BABAM2: variants seen among roughly 807,000 people sequenced by gnomAD.
The protein encoded by BABAM2 is BRISC and BRCA1-A complex member 2.
BABAM2 carries 31 observed loss-of-function variants against 54.7 expected under a neutral mutation model. That is an observed-to-expected ratio of 0.57 (90% confidence interval 0.43 to 0.77). The LOEUF (loss-of-function observed/expected upper bound fraction) is 0.77. Ranked by LOEUF, BABAM2 falls within the 30% of genes least tolerant of loss-of-function variation. The pLI, the probability that BABAM2 is intolerant of heterozygous loss-of-function variation, is 0.00. For missense variants in BABAM2, 364 were observed against 455.8 expected (o/e 0.80, Z 1.83); for synonymous variants, 167 against 162.9 (o/e 1.03, Z -0.19).
chr2:28,272,567 T>C (rs1685507276), intron 10 of BABAM2, among the ~76,000 whole-genome samples: 1 of 152,198 alleles, frequency 6.6e-6, no homozygotes, highest in Non-Finnish European at 1.5e-5. Context: ...TCACTTTTGC[T>C]CCAAAGAGTG....
intron 6 of BABAM2, among the ~76,000 whole-genome samples, chr2:28,053,994 T>C (rs1157824395): frequency 6.6e-6 from 1 of 152,186 alleles, no homozygotes; most frequent in East Asian, 1.9e-4. Context: ...ACAGTTATTA[T>C]TTGTCAATTA....
intron 2 of BABAM2, among the ~76,000 whole-genome samples, chr2:27,923,989 G>A (rs1667505824): frequency 6.6e-6 from 1 of 151,998 alleles, no homozygotes; most frequent in Admixed American, 6.6e-5. Context: ...AAAAAAAAAT[G>A]CAGAAAAGTA....
intron 7 of BABAM2, among the ~76,000 whole-genome samples, chr2:28,176,972 C>T (rs1675074146): frequency 6.6e-6 from 1 of 151,816 alleles, no homozygotes; most frequent in South Asian, 2.1e-4. Context: ...GCCCAAAAGG[C>T]ATAGAAAAGC....
At chr2:28,306,950 C>T (rs369441487) in intron 11 of BABAM2, among the ~76,000 whole-genome samples, 9 of 149,616 alleles carry the variant, frequency 6.0e-5, no homozygotes, top group African/African-American at 1.5e-4. Flanking sequence ...CCTGCCTTGG[C>T]CCCCCAAAGT....
At chr2:27,963,770 G>GA (rs1670648648) in intron 3 of BABAM2, among the ~76,000 whole-genome samples, 1 of 152,106 alleles carries the variant, frequency 6.6e-6, no homozygotes, top group South Asian at 2.1e-4. Flanking sequence ...ACAATCATTG[G>GA]AAAATCTCAG....
At chr2:28,184,263 C>CTCT (rs1676004291) in intron 7 of BABAM2, among the ~76,000 whole-genome samples, 9 of 59,374 alleles carry the variant, frequency 1.5e-4, no homozygotes, top group Non-Finnish European at 2.2e-4. Context: ...TCCCTCCCTC[C>CTCT]CTCTCTCTCT....
chr2:28,213,218 C>A (rs1679630054), intron 7 of BABAM2, among the ~76,000 whole-genome samples: 1 of 150,872 alleles, frequency 6.6e-6, no homozygotes, highest in Non-Finnish European at 1.5e-5. Context: ...AGAACGAGAC[C>A]CTGTCTCAAA....
intron 10 of BABAM2, among the ~76,000 whole-genome samples, chr2:28,267,023 A>G (rs532286522): frequency 2.6e-5 from 4 of 152,132 alleles, no homozygotes; most frequent in Non-Finnish European, 4.4e-5. Flanking sequence ...GGGTGTGGTG[A>G]CAGGCACCTG....
At chr2:27,903,666 G>A (rs556392696) in intron 2 of BABAM2, among the ~76,000 whole-genome samples, 1 of 152,272 alleles carries the variant, frequency 6.6e-6, no homozygotes, top group South Asian at 2.1e-4. Flanking sequence ...GTCAGAACAC[G>A]TTTATGTTGG....
chr2:28,319,471 C>T (rs1225821619), intron 11 of BABAM2, among the ~76,000 whole-genome samples: 1 of 152,248 alleles, frequency 6.6e-6, no homozygotes, highest in East Asian at 1.9e-4. Flanking sequence ...GCACAGCTCC[C>T]TGCGCCTCTT....
chr2:28,192,882 A>T (rs1248481027), intron 7 of BABAM2, among the ~76,000 whole-genome samples: 1 of 151,004 alleles, frequency 6.6e-6, no homozygotes, highest in East Asian at 2.0e-4. Flanking sequence ...CTTAAAAAAT[A>T]GTTCTGTTGG....
At chr2:28,036,390 C>T (rs1391573366) in intron 5 of BABAM2, among the ~76,000 whole-genome samples, 1 of 152,112 alleles carries the variant, frequency 6.6e-6, no homozygotes, top group Non-Finnish European at 1.5e-5. Flanking sequence ...TTCAAGAATT[C>T]ATGGTACCAT....
chr2:28,286,041 T>C (rs543388935), intron 10 of BABAM2, among the ~76,000 whole-genome samples: 3 of 151,040 alleles, frequency 2.0e-5, no homozygotes, highest in Non-Finnish European at 4.4e-5. Flanking sequence ...CTGCAACCTC[T>C]ACCTCCTGGG....
intron 11 of BABAM2, among the ~76,000 whole-genome samples, chr2:28,323,700 C>T (rs965197349): frequency 6.6e-6 from 1 of 152,180 alleles, no homozygotes; most frequent in African/African-American, 2.4e-5. Flanking sequence ...CAGCAAGTCA[C>T]AGAGATATTG....
intron 7 of BABAM2, among the ~76,000 whole-genome samples, chr2:28,216,995 A>C (rs778785092): frequency 1.3e-5 from 2 of 152,036 alleles, no homozygotes; most frequent in Non-Finnish European, 2.9e-5. Context: ...GCTCCACTTT[A>C]TCATTTGAGT....
Position 28,272,678 on chromosome 2 carries a change from C to T in BABAM2, c.935-25660C>T, listed in dbSNP as rs562373830. 2.6e-5 allele frequency among the ~76,000 whole-genome samples: 4 copies of T among 152,316 alleles called. No individual in the cohort carries two copies. In the South Asian group the frequency reaches 8.3e-4, roughly 32 times the overall value. ...AAACCAACAGTTATTGAGCCTGTCCCATCCCAGAGGTACAGGATAATGCAA... is the reference window on the plus strand; with the variant it reads ...AAACCAACAGTTATTGAGCCTGTCCTATCCCAGAGGTACAGGATAATGCAA... On this transcript the variant is annotated intron_variant, in intron 10 of 11. Transcript: ENST00000379624.
rs1230979139 is a variant in BABAM2 at position 28,243,280 on chromosome 2, T to G, written c.852-1500T>G. Among the ~76,000 whole-genome samples the G allele has an allele frequency of 1.3e-5, 2 of 152,258 alleles. 1 individual carries two copies. Among genetic ancestry groups the G allele is most frequent in the African/African-American group, 4.8e-5 (2 of 41,544 alleles). On this transcript the variant is annotated intron_variant, in intron 9 of 11. Transcript: ENST00000379624. Reference sequence around the variant, plus strand: ...CAGGCACAGTGGCTCACACTTGTAATCCCAGCACTTTGGGAGGCCGAGGCG... The same window carrying G: ...CAGGCACAGTGGCTCACACTTGTAAGCCCAGCACTTTGGGAGGCCGAGGCG...
Position 28,178,023 on chromosome 2 carries a change from G to A in BABAM2, c.680+48643G>A, listed in dbSNP as rs186394200. On this transcript the variant is annotated intron_variant, in intron 7 of 11. Coordinates refer to ENST00000379624, the MANE Select transcript of BABAM2 (RefSeq NM_199191.3). ...GCAAATAGTATTAGATCTAAAGGGA[G>A]AGATAGACTCCAATACAATAATAGT... 1.1e-4 allele frequency among the ~76,000 whole-genome samples: 16 copies of A among 152,198 alleles called. No individual in the cohort carries two copies. The East Asian group carries it at 2.9e-3, about 28-fold the overall frequency.
At chr2:28,013,530 C>T (rs1319190637) in intron 4 of BABAM2, among the ~76,000 whole-genome samples, 3 of 151,998 alleles carry the variant, frequency 2.0e-5, no homozygotes, top group African/African-American at 7.2e-5. Flanking sequence ...TTGCCCAAGA[C>T]ATATGTCCTC....
Sources: allele counts gnomAD v4.1 joint callset (sites outside exome capture counted in the v4.1 genomes callset), GRCh38; gene constraint gnomAD v4.1.1; transcripts MANE v1.5; gene names NCBI Gene and HGNC (gene_info 2026-07-23, HGNC 2026-07-21).